The following IL1RAP variants were observed in gnomAD, a reference collection of about 807,000 sequenced individuals.
The protein encoded by IL1RAP is interleukin-1 receptor accessory protein.
IL1RAP carries 35 observed loss-of-function variants against 60.7 expected under a neutral mutation model. That is an observed-to-expected ratio of 0.58 (90% CI 0.44 to 0.76). IL1RAP has a LOEUF of 0.76. Among genes scored for constraint, IL1RAP ranks in the 30% least tolerant of loss-of-function variants. IL1RAP has a pLI of 0.00. For missense variants in IL1RAP, 572 were observed against 693.9 expected (o/e 0.82, Z 1.97); for synonymous variants, 268 against 250.9 (o/e 1.07, Z -0.64).
chr3:190,642,532 T>C (rs1016706571), intron 9 of IL1RAP: 30 of 152,242 alleles, frequency 2.0e-4, no homozygotes, highest in African/African-American at 7.0e-4. Context: ...AATGAGATTC[T>C]TCTAAGCTGT....
intron 11 of IL1RAP, among the ~76,000 whole-genome samples, chr3:190,646,871 CA>C (rs1024006819): frequency 3.9e-5 from 6 of 152,136 alleles, no homozygotes; most frequent in Non-Finnish European, 8.8e-5. Context: ...ATGTTTCTTT[CA>C]GTATAATTTT....
At chr3:190,612,725 C>T (rs1730929130) in intron 5 of IL1RAP, among the ~76,000 whole-genome samples, 1 of 152,070 alleles carries the variant, frequency 6.6e-6, no homozygotes, top group Admixed American at 6.6e-5. Flanking sequence ...TATGATGGGG[C>T]TATGGTTTCT....
chr3:190,621,136 G>A (rs981577647), intron 6 of IL1RAP, among the ~76,000 whole-genome samples: 7 of 152,090 alleles, frequency 4.6e-5, no homozygotes, highest in Non-Finnish European at 8.8e-5. Flanking sequence ...TATTAAAAAA[G>A]ATAGCATCTC....
At chr3:190,537,406 G>T in intron 1 of IL1RAP, among the ~76,000 whole-genome samples, 1 of 152,054 alleles carries the variant, frequency 6.6e-6, no homozygotes, top group East Asian at 1.9e-4. Context: ...GCCTCATCTG[G>T]TTTCCTTTGT....
chr3:190,523,922 A>G (rs1360066616), intron 1 of IL1RAP, among the ~76,000 whole-genome samples: 1 of 152,100 alleles, frequency 6.6e-6, no homozygotes, highest in Non-Finnish European at 1.5e-5. Flanking sequence ...TTCTTTTTGT[A>G]GGTCTTTGAG....
At position 190,558,620 on chromosome 3, in the gene IL1RAP, A is replaced by G. The variant is rs572470489; in HGVS notation, c.-2+2404A>G. ...TGTTTCTTTATGACTTAAACATTTT[A>G]AAATTGAGTTGTTTCTTGTATGATT... On this transcript the variant is annotated intron_variant, in intron 2 of 11. Transcript: ENST00000447382. Among the ~76,000 whole-genome samples the G allele has an allele frequency of 2.6e-4, 39 of 152,274 alleles. No homozygotes were observed. The South Asian group carries it at 8.1e-3, about 32-fold the overall frequency.
chr3:190,656,613 G>C, exon 12 of IL1RAP: 1 of 1,467,550 alleles, frequency 6.8e-7, no homozygotes, highest in South Asian at 1.3e-5. Context: ...TATAATTACT[G>C]TGTGTGGTGG....
Position 190,648,963 on chromosome 3 carries a change from A to G in IL1RAP, c.*258A>G. On this transcript the variant is annotated 3_prime_UTR_variant, in exon 12 of 12. Coordinates refer to ENST00000447382, the MANE Select transcript of IL1RAP (RefSeq NM_002182.4). ...TGCAGGCAAAGACTTGTTCAATGCG[A>G]ATTTCCCCTTCTACATTGTCTATCC... 8.3e-7 allele frequency: 1 copy of G among 1,202,072 alleles called. No individual in the cohort carries two copies. The highest frequency in any genetic ancestry group is 1.0e-6 in the Non-Finnish European group (1 of 966,438). 74.5% of individuals were successfully genotyped at this position (1,202,072 alleles called of 1,614,324 possible).
chr3:190,588,082 A>C (rs1359949739), intron 3 of IL1RAP, among the ~76,000 whole-genome samples: 2 of 152,194 alleles, frequency 1.3e-5, no homozygotes, highest in Non-Finnish European at 2.9e-5. Context: ...ACCTCAAAGC[A>C]TACGGAGATA....
downstream of IL1RAP, chr3:190,656,190 G>C (rs1734613865): frequency 2.0e-6 from 3 of 1,537,144 alleles, no homozygotes; most frequent in African/African-American, 2.7e-5. Context: ...TGAGAAGTCT[G>C]AGTGCCAGTT....
At chr3:190,641,018 T>G (rs1160193797) in intron 9 of IL1RAP, among the ~76,000 whole-genome samples, 2 of 152,188 alleles carry the variant, frequency 1.3e-5, no homozygotes, top group African/African-American at 4.8e-5. Context: ...AAGGCTGGAG[T>G]GCAATGGTGC....
At chr3:190,629,790 CAAAGA>C in intron 9 of IL1RAP, 1 of 1,082,218 alleles carries the variant, frequency 9.2e-7, no homozygotes, top group Non-Finnish European at 1.1e-6. Context: ...AAATTAAAAA[CAAAGA>C]AAATATTCAA....
chr3:190,574,414 G>C (rs1437419466), intron 3 of IL1RAP, among the ~76,000 whole-genome samples: 7 of 152,192 alleles, frequency 4.6e-5, no homozygotes, highest in African/African-American at 1.7e-4. Context: ...GTGGGTTTGA[G>C]TGCAGTGGGA....
intron 2 of IL1RAP, among the ~76,000 whole-genome samples, chr3:190,560,075 A>C (rs996759342): frequency 6.6e-6 from 1 of 152,252 alleles, no homozygotes; most frequent in African/African-American, 2.4e-5. Flanking sequence ...CTCATGTCTT[A>C]CTAAATGCTA....
At chr3:190,564,617 A>G in intron 3 of IL1RAP, 1 of 419,416 alleles carries the variant, frequency 2.4e-6, no homozygotes. Context: ...CTTCACACTC[A>G]GCCAACTAGA....
At chr3:190,626,499 G>A (rs76964704) in intron 7 of IL1RAP, among the ~76,000 whole-genome samples, 3,078 of 152,000 alleles carry the variant, frequency 0.02, 111 homozygotes, top group African/African-American at 0.07. Flanking sequence ...GCATTTCAAG[G>A]TGGGCCTCCT....
intron 9 of IL1RAP, among the ~76,000 whole-genome samples, chr3:190,630,768 T>C (rs1003403609): frequency 6.6e-6 from 1 of 152,196 alleles, no homozygotes; most frequent in Non-Finnish European, 1.5e-5. Flanking sequence ...AATGCATTAT[T>C]GTACTCTAGA....
intron 7 of IL1RAP, among the ~76,000 whole-genome samples, chr3:190,625,544 T>A (rs1370029238): frequency 1.4e-4 from 22 of 152,172 alleles, no homozygotes; most frequent in Admixed American, 1.4e-3. Context: ...TTGAGAATTT[T>A]AAATATGACA....
chr3:190,558,147 A>G (rs550797862), intron 2 of IL1RAP, among the ~76,000 whole-genome samples: 3 of 152,226 alleles, frequency 2.0e-5, no homozygotes, highest in South Asian at 2.1e-4. Context: ...GTATTATTCT[A>G]TTTTTTTGGA....
Sources: gnomAD v4.1 joint callset for allele counts (sites outside exome capture counted in the v4.1 genomes callset) on GRCh38, gnomAD v4.1.1 for gene constraint, MANE v1.5 for transcripts, NCBI Gene and HGNC (gene_info 2026-07-23, HGNC 2026-07-21) for gene names.